The following LUC7L variants were observed in gnomAD, a reference collection of about 807,000 sequenced individuals.
LUC7L encodes LUC7 like, also known as putative RNA-binding protein Luc7-like 1.
A neutral mutation model predicts 51.1 loss-of-function variants in LUC7L; 29 were observed. The ratio of observed to expected loss-of-function variants is 0.57; its 90% CI spans 0.42 to 0.77. The LOEUF is 0.77. LUC7L is among the 30% of genes least tolerant of loss of function. LUC7L has a pLI of 0.00. For missense variants in LUC7L, 403 were observed against 511.9 expected, an observed-to-expected ratio of 0.79 and a Z score of 2.05; for synonymous variants, 181 against 180.7, an observed-to-expected ratio of 1.00 and a Z score of -0.01.
chr16:199,397 T>C (rs920783702), intron 5 of LUC7L, among the ~76,000 whole-genome samples, 159 bp from the exon 6 acceptor site: 2 of 152,128 alleles, frequency 1.3e-5, no homozygotes, highest in African/African-American at 4.8e-5. Flanking sequence ...ACCAACTCAA[T>C]TTTCACTGTT....
At chr16:197,939 C>T (rs2858011) in intron 6 of LUC7L, among the ~76,000 whole-genome samples, 107,293 of 152,066 alleles carry the variant, frequency 0.71, 39,263 homozygotes, top group African/African-American at 0.92. Context: ...AGTGGAAATA[C>T]GTCCAACCTT....
chr16:211,969 G>A (rs1005976178), intron 3 of LUC7L, among the ~76,000 whole-genome samples: 3 of 152,176 alleles, frequency 2.0e-5, no homozygotes, highest in Non-Finnish European at 4.4e-5. Context: ...CCCTTGTGCT[G>A]CACTAGGCAC....
intron 4 of LUC7L, among the ~76,000 whole-genome samples, chr16:206,686 C>G (rs188145660): frequency 6.6e-6 from 1 of 152,140 alleles, no homozygotes; most frequent in East Asian, 1.9e-4. Flanking sequence ...CCTTTTCATT[C>G]TATGATATGG....
intron 6 of LUC7L, among the ~76,000 whole-genome samples, chr16:196,590 C>T (rs1019574361): frequency 6.6e-6 from 1 of 152,018 alleles, no homozygotes; most frequent in Non-Finnish European, 1.5e-5. Flanking sequence ...TGCAGTGGCT[C>T]GATTTCGGCT....
chr16:192,329 A>G (rs2049030712), intron 7 of LUC7L, among the ~76,000 whole-genome samples: 1 of 151,892 alleles, frequency 6.6e-6, no homozygotes, highest in Admixed American at 6.6e-5. Flanking sequence ...GGGAGCAGGC[A>G]CCACCCCTCC....
At chr16:217,721 AT>A (rs35522959) in intron 3 of LUC7L, among the ~76,000 whole-genome samples, 75,292 of 146,394 alleles carry the variant, frequency 0.51, 19,219 homozygotes, top group African/African-American at 0.58. Flanking sequence ...AAAAAAAAAA[AT>A]TTTTTTTTTA....
At chr16:196,325 T>C (rs759608730) in intron 6 of LUC7L, among the ~76,000 whole-genome samples, 1 of 151,970 alleles carries the variant, frequency 6.6e-6, no homozygotes, top group East Asian at 1.9e-4. Context: ...GGAGTATCTC[T>C]TGAAGCTGGG....
At chr16:227,383 C>A in intron 1 of LUC7L, 47 bp from the exon 2 acceptor site, 1 of 1,558,520 alleles carries the variant, frequency 6.4e-7, no homozygotes, top group Non-Finnish European at 8.7e-7. Context: ...ATCACATTAA[C>A]CACCAAAAAA....
chr16:228,340 T>C, intron 1 of LUC7L: 1 of 1,304,180 alleles, frequency 7.7e-7, no homozygotes, highest in Non-Finnish European at 1.0e-6. Context: ...CACGGCTCGA[T>C]GAACATGAGG....
intron 3 of LUC7L, among the ~76,000 whole-genome samples, chr16:215,924 G>A (rs922342035): frequency 1.3e-5 from 2 of 151,748 alleles, no homozygotes; most frequent in African/African-American, 4.8e-5. Flanking sequence ...AAAACTCCTG[G>A]GCTCAAGTGA....
At chr16:225,772 ACCGCAC>A (rs927907236) in intron 2 of LUC7L, among the ~76,000 whole-genome samples, 2 of 151,406 alleles carry the variant, frequency 1.3e-5, no homozygotes, top group African/African-American at 4.8e-5. Flanking sequence ...GGCGTGAGCC[ACCGCAC>A]CCAGCCTGAA....
chr16:215,823 G>A (rs551111574), intron 3 of LUC7L, among the ~76,000 whole-genome samples: 24 of 151,984 alleles, frequency 1.6e-4, no homozygotes, highest in Admixed American at 1.3e-3. Flanking sequence ...AACATCGACA[G>A]TGTCTTGACA....
intron 6 of LUC7L, among the ~76,000 whole-genome samples, chr16:196,681 C>T (rs564577923): frequency 8.6e-5 from 13 of 151,728 alleles, no homozygotes; most frequent in African/African-American, 3.1e-4. Flanking sequence ...ATGTGTACCA[C>T]CATGCCCAGC....
At chr16:225,211 G>A (rs2050096442) in intron 2 of LUC7L, among the ~76,000 whole-genome samples, 1 of 152,172 alleles carries the variant, frequency 6.6e-6, no homozygotes, top group East Asian at 1.9e-4. Flanking sequence ...GTTCTGGCCG[G>A]GCGCAGTGTC....
intron 2 of LUC7L, among the ~76,000 whole-genome samples, chr16:223,532 C>G (rs979325649): frequency 1.3e-5 from 2 of 152,136 alleles, no homozygotes; most frequent in African/African-American, 2.4e-5. Context: ...CATTCTTACT[C>G]TGAAGTCAGA....
chr16:224,470 G>C (rs2050068127), intron 2 of LUC7L, among the ~76,000 whole-genome samples: 1 of 149,954 alleles, frequency 6.7e-6, no homozygotes, highest in Admixed American at 6.7e-5. Context: ...AGTGAGCTGA[G>C]ATGGAGCCAT....
rs2049245359 is a variant in LUC7L at position 199,056 on chromosome 16, A to ACATAC, written c.687+1_687+5dup. 1 of 1,588,132 alleles carries ACATAC rather than the reference A, an allele frequency of 6.3e-7. No individual in the cohort carries two copies. The highest frequency in any genetic ancestry group is 1.3e-5 in the African/African-American group (1 of 74,478). The stretch of plus-strand genomic sequence containing the variant: ...CTCAGCTTTCTCCAGAAACAGATGA[A>ACATAC]CATACCCTCAACTGATCAAGCTTCT... On this transcript the variant is annotated splice_donor_region_variant and intron_variant, in intron 6 of 9. Transcript: ENST00000293872.
At chr16:214,343 A>G (rs1326021159) in intron 3 of LUC7L, among the ~76,000 whole-genome samples, 1 of 152,200 alleles carries the variant, frequency 6.6e-6, no homozygotes, top group South Asian at 2.1e-4. Context: ...TACAGGTGTG[A>G]GCCACTGAGC....
chr16:190,535 AC>A lies in LUC7L; in HGVS notation c.806+5del. On this transcript the variant is annotated splice_donor_5th_base_variant and intron_variant, in intron 8 of 9. Transcript: ENST00000293872. Reference sequence around the variant, plus strand: ...TGAGAACATTTTAATGGACCTGGAAACCTACCTCCTGCGATCTCTGGTTCTT... The same window carrying A: ...TGAGAACATTTTAATGGACCTGGAAACTACCTCCTGCGATCTCTGGTTCTT... 1.2e-6 allele frequency: 2 copies of A among 1,613,870 alleles called. No individual in the cohort carries two copies. Among genetic ancestry groups the A allele is most frequent in the African/African-American group, 2.7e-5 (2 of 75,026 alleles).
Sources: gnomAD v4.1 joint callset for allele counts (sites outside exome capture counted in the v4.1 genomes callset) on GRCh38, gnomAD v4.1.1 for gene constraint, MANE v1.5 for transcripts, NCBI Gene and HGNC (gene_info 2026-07-23, HGNC 2026-07-21) for gene names.